Variants in ESR2 observed in about 807,000 individuals in gnomAD.
ESR2 encodes the protein estrogen receptor beta.
A neutral mutation model predicts 49.6 loss-of-function variants in ESR2; 36 were observed. That is an observed-to-expected ratio of 0.73 (90% CI 0.56 to 0.96). The LOEUF (loss-of-function observed/expected upper bound fraction) is 0.96. Among genes scored for constraint, ESR2 ranks in the 40% least tolerant of loss-of-function variants. ESR2 has a pLI of 0.00. For synonymous variants in ESR2, 320 were observed against 266.1 expected, an observed-to-expected ratio of 1.20 and a Z score of -1.97; for missense variants, 714 against 693.0, an observed-to-expected ratio of 1.03 and a Z score of -0.34.
intron 3 of ESR2, 66 bp downstream of exon 3, chr14:64,279,915 A>G: frequency 1.5e-6 from 2 of 1,366,270 alleles, no homozygotes; most frequent in Non-Finnish European, 2.1e-6. Context: ...CTGCCAAGTC[A>G]TCTCTGCAAA....
intron 3 of ESR2, among the ~76,000 whole-genome samples, chr14:64,270,499 A>C (rs566770930): frequency 1.3e-5 from 2 of 152,228 alleles, no homozygotes; most frequent in South Asian, 4.1e-4. Flanking sequence ...ACACATTAGC[A>C]AACAATGAAA....
intron 3 of ESR2, among the ~76,000 whole-genome samples, chr14:64,276,256 G>A (rs1019302539): frequency 1.3e-5 from 2 of 151,992 alleles, no homozygotes; most frequent in South Asian, 2.1e-4. Context: ...AATATATAAA[G>A]CACACAATAA....
intron 1 of ESR2, among the ~76,000 whole-genome samples, chr14:64,327,307 T>TC: frequency 6.6e-6 from 1 of 152,206 alleles, no homozygotes; most frequent in East Asian, 1.9e-4. Context: ...ACGCCTGTAA[T>TC]CCCAGCACTT....
chr14:64,324,398 T>C (rs924851552), intron 1 of ESR2, among the ~76,000 whole-genome samples: 2 of 152,170 alleles, frequency 1.3e-5, no homozygotes, highest in South Asian at 4.1e-4. Flanking sequence ...AAGTGAAATA[T>C]AAATAGTTTT....
At chr14:64,265,480 C>A (rs1402380029) in intron 4 of ESR2, among the ~76,000 whole-genome samples, 1 of 152,146 alleles carries the variant, frequency 6.6e-6, no homozygotes, top group Non-Finnish European at 1.5e-5. Context: ...GATCTAAACC[C>A]AAGCAGTAGC....
chr14:64,292,483 A>T (rs1377871777), intron 1 of ESR2, among the ~76,000 whole-genome samples: 1 of 152,150 alleles, frequency 6.6e-6, no homozygotes, highest in Non-Finnish European at 1.5e-5. Flanking sequence ...CTGTAGCCTA[A>T]TTTTTTTAAA....
intron 1 of ESR2, among the ~76,000 whole-genome samples, chr14:64,306,269 C>T (rs561939490): frequency 1.3e-5 from 2 of 152,068 alleles, no homozygotes; most frequent in East Asian, 3.9e-4. Context: ...GAAACACCTG[C>T]ATTTTGGCTC....
intron 3 of ESR2, among the ~76,000 whole-genome samples, chr14:64,275,859 A>G (rs1391584051): frequency 6.6e-6 from 1 of 152,186 alleles, no homozygotes; most frequent in Non-Finnish European, 1.5e-5. Context: ...AAATAGGTAA[A>G]TTTTATTGTA....
intron 1 of ESR2, among the ~76,000 whole-genome samples, chr14:64,285,136 A>C (rs1018285347): frequency 6.6e-6 from 1 of 152,126 alleles, no homozygotes; most frequent in Non-Finnish European, 1.5e-5. Flanking sequence ...GGCGTGAGCC[A>C]CTGTGCCCGG....
At chr14:64,252,725 A>G (rs1200390752) in intron 6 of ESR2, among the ~76,000 whole-genome samples, 1 of 152,192 alleles carries the variant, frequency 6.6e-6, no homozygotes, top group African/African-American at 2.4e-5. Context: ...TCTCATGAGA[A>G]CAGCATGGGG....
chr14:64,303,567 A>C (rs1196654987), intron 1 of ESR2: 2 of 152,118 alleles, frequency 1.3e-5, no homozygotes, highest in East Asian at 3.9e-4. Flanking sequence ...TAAGGGCTCA[A>C]ATTCTAACAA....
rs114563199 is a variant in ESR2, at chr14:64,254,544, C to A, written c.1091+2682G>T. ...GGGGGATCACTTGAAGTCAGGACCT[C>A]GAGACCAGCTTGGCCAACATGGTAA... On this transcript the variant is annotated intron_variant, in intron 6 of 8. Coordinates refer to ENST00000341099, the MANE Select transcript of ESR2 (RefSeq NM_001437.3). Among the ~76,000 whole-genome samples, 780 of 149,800 alleles carry A rather than the reference C, an allele frequency of 5.2e-3. 6 individuals are homozygous for A. The highest frequency in any genetic ancestry group is 0.018 in the African/African-American group (735 of 40,348).
downstream of ESR2, chr14:64,227,774 TTCAC>T: frequency 6.5e-7 from 1 of 1,538,000 alleles, no homozygotes. Flanking sequence ...TGCAGCTTCT[TTCAC>T]TCAAAGCTCA....
At chr14:64,292,574 GATGT>G (rs1348512513) in intron 1 of ESR2, among the ~76,000 whole-genome samples, 1 of 152,144 alleles carries the variant, frequency 6.6e-6, no homozygotes, top group Non-Finnish European at 1.5e-5. Flanking sequence ...AAGGTTTCTA[GATGT>G]ATTATCAAAA....
intron 1 of ESR2, among the ~76,000 whole-genome samples, chr14:64,285,140 T>C (rs747289020): frequency 3.9e-5 from 6 of 152,274 alleles, no homozygotes; most frequent in Admixed American, 6.5e-5. Flanking sequence ...TGAGCCACTG[T>C]GCCCGGCCAG....
upstream of ESR2, among the ~76,000 whole-genome samples, chr14:64,298,766 C>G (rs935971298): frequency 3.3e-5 from 5 of 152,162 alleles, no homozygotes; most frequent in African/African-American, 9.7e-5. Flanking sequence ...TATTTGTAAA[C>G]AAACAGGTAA....
In ESR2 at chr14:64,282,889, G is replaced by A. The variant is rs751944011; in HGVS notation, c.97C>T (p.Pro33Ser). 5.0e-6 allele frequency: 8 copies of A among 1,614,190 alleles called. No homozygotes were observed. The highest frequency in any genetic ancestry group is 3.3e-4 in the Middle Eastern group (2 of 6,062). Residue 33 changes from proline (P) to serine (S), a missense_variant, in exon 2 of 9, where the codon CCT becomes TCT. Transcript: ENST00000341099. ...TGGTGGCTGTCTACATAGGAGGAAG[G>A]TATGTATATGGAGCCGTGCTCCAGG... ...LPLEHGSIYI[P>S]SSYVDSHHEY...
At chr14:64,315,413 C>A (rs1484715670) in intron 1 of ESR2, among the ~76,000 whole-genome samples, 1 of 151,906 alleles carries the variant, frequency 6.6e-6, no homozygotes, top group Non-Finnish European at 1.5e-5. Flanking sequence ...TGAACCAATT[C>A]TTTGAAAAAC....
intron 8 of ESR2, chr14:64,234,609 C>G (rs1478395369): frequency 2.9e-6 from 1 of 348,036 alleles, no homozygotes; most frequent in Non-Finnish European, 5.2e-6. Context: ...GTCTTAGCCT[C>G]TCCACAAAAA....
Sources: gnomAD v4.1 joint callset for allele counts (sites outside exome capture counted in the v4.1 genomes callset) on GRCh38, gnomAD v4.1.1 for gene constraint, MANE v1.5 for transcripts, NCBI Gene and HGNC (gene_info 2026-07-23, HGNC 2026-07-21) for gene names.